Variants in GLDN observed in about 807,000 individuals in gnomAD.
GLDN encodes the protein collomin.
In GLDN, 47 loss-of-function variants were observed where a neutral mutation model predicts 56.5. The observed-to-expected ratio is 0.83, with a 90% confidence interval of 0.66 to 1.06. The LOEUF (loss-of-function observed/expected upper bound fraction) is 1.06, where lower values mean the gene tolerates loss of function less well. GLDN is among the 50% of genes least tolerant of loss of function. The probability of loss-of-function intolerance (pLI) is 0.00; values close to 1 mark genes in which losing one functional copy is unlikely to be tolerated. For missense variants in GLDN, 782 were observed against 714.3 expected (o/e 1.09, Z -1.08); for synonymous variants, 332 against 278.8 (o/e 1.19, Z -1.90).
chr15:51,357,433 C>G (rs1257909637), intron 1 of GLDN, among the ~76,000 whole-genome samples: 1 of 152,190 alleles, frequency 6.6e-6, no homozygotes, highest in Non-Finnish European at 1.5e-5. Flanking sequence ...ACTTGCTATT[C>G]TGTTCTATCT....
chr15:51,386,269 C>T (rs2037890312), intron 4 of GLDN, among the ~76,000 whole-genome samples: 1 of 152,122 alleles, frequency 6.6e-6, no homozygotes, highest in Non-Finnish European at 1.5e-5. Flanking sequence ...TTGTCCCAGG[C>T]CAGGGGAAGT....
intron 1 of GLDN, 173 bp downstream of exon 1, chr15:51,342,220 G>A: frequency 1.3e-6 from 1 of 752,604 alleles, no homozygotes; most frequent in Non-Finnish European, 2.1e-6. Flanking sequence ...ACCCACTGGA[G>A]TCTGTTTTCT....
chr15:51,346,142 G>A (rs2036974536), intron 1 of GLDN, among the ~76,000 whole-genome samples: 1 of 152,046 alleles, frequency 6.6e-6, no homozygotes, highest in Non-Finnish European at 1.5e-5. Context: ...GAAATCTGAT[G>A]TCATCCCAAC....
intron 3 of GLDN, 56 bp downstream of exon 3, chr15:51,383,509 G>A (rs551561557): frequency 1.9e-6 from 3 of 1,596,970 alleles, no homozygotes; most frequent in African/African-American, 2.7e-5. Context: ...CCAGACCCTA[G>A]GATCTCCCTG....
In GLDN at chr15:51,406,572, A is replaced by C. The variant is rs1261873528; in HGVS notation, c.*1818A>C. On this transcript the variant is annotated 3_prime_UTR_variant, in exon 10 of 10. Transcript: ENST00000335449. ...CTGCAATCCCAGCTACTTTGGAGGC[A>C]GGGATGGGAGGATCACTTGAGGCCA... The C allele has an allele frequency of 6.6e-6, 1 of 152,236 alleles. No individual in the cohort carries two copies. The highest frequency in any genetic ancestry group is 1.5e-5 in the Non-Finnish European group (1 of 68,052). The allele number at this position is 152,236 out of a possible 1,614,324, so 9.4% of individuals were successfully genotyped here.
intron 1 of GLDN, among the ~76,000 whole-genome samples, chr15:51,357,247 T>C (rs2037202833): frequency 6.6e-6 from 1 of 152,214 alleles, no homozygotes; most frequent in African/African-American, 2.4e-5. Context: ...TCCACGCATT[T>C]CTCTAATTGA....
At chr15:51,376,579 G>A (rs1225668724) in intron 1 of GLDN, among the ~76,000 whole-genome samples, 1 of 152,146 alleles carries the variant, frequency 6.6e-6, no homozygotes, top group African/African-American at 2.4e-5. Flanking sequence ...AGCTTACTGT[G>A]ACATGTTTAC....
intron 1 of GLDN, among the ~76,000 whole-genome samples, chr15:51,342,724 A>G (rs1039705226): frequency 4.6e-5 from 7 of 152,180 alleles, no homozygotes; most frequent in African/African-American, 7.2e-5. Context: ...GGTTCTTAAC[A>G]TGGGACCTGC....
chr15:51,362,547 A>C (rs2141066236), intron 1 of GLDN, among the ~76,000 whole-genome samples: 1 of 151,292 alleles, frequency 6.6e-6, no homozygotes, highest in African/African-American at 2.4e-5. Flanking sequence ...TGGGTGGGGG[A>C]AGGAGGGACA....
intron 1 of GLDN, among the ~76,000 whole-genome samples, chr15:51,372,695 T>A (rs1349351916): frequency 6.6e-6 from 1 of 152,182 alleles, no homozygotes; most frequent in African/African-American, 2.4e-5. Flanking sequence ...GAGAAACTCT[T>A]CCTTAGAGAC....
chr15:51,411,544 T>C (rs148797428), downstream of GLDN, among the ~76,000 whole-genome samples: 52 of 152,354 alleles, frequency 3.4e-4, no homozygotes, highest in African/African-American at 1.1e-3. Flanking sequence ...TGATAACAAA[T>C]ATTTTAAGCT....
Position 51,384,010 on chromosome 15 carries a change from C to T in GLDN, c.541+118C>T, listed in dbSNP as rs760864013. 9 of 810,240 alleles carry T rather than the reference C, an allele frequency of 1.1e-5. No homozygotes were observed. In the South Asian group the frequency reaches 1.3e-4, roughly 12 times the overall value. 50.2% of individuals were successfully genotyped at this position (810,240 alleles called of 1,614,324 possible). A position where few individuals can be genotyped will look rare whatever the true frequency, so the allele number is the denominator to read the frequency against. ...TGTTTCATCTCTGCACAGTTTAAGG[C>T]CGGTTTAACTCTTACCTAGAAGCCA... On this transcript the variant is annotated intron_variant, in intron 4 of 9. Transcript: ENST00000335449.
intron 1 of GLDN, among the ~76,000 whole-genome samples, chr15:51,366,132 C>T (rs562292819): frequency 3.3e-5 from 5 of 151,010 alleles, no homozygotes; most frequent in Admixed American, 1.3e-4. Context: ...GGAGATAGAA[C>T]GTCAAGTTGT....
downstream of GLDN, among the ~76,000 whole-genome samples, chr15:51,410,093 C>T (rs2038449989): frequency 6.6e-6 from 1 of 152,204 alleles, no homozygotes; most frequent in Non-Finnish European, 1.5e-5. Flanking sequence ...GCTTTAGAAA[C>T]ATCAAAGTAG....
At chr15:51,360,913 G>T (rs1346229356) in intron 1 of GLDN, among the ~76,000 whole-genome samples, 1 of 152,168 alleles carries the variant, frequency 6.6e-6, no homozygotes, top group Non-Finnish European at 1.5e-5. Flanking sequence ...TCTGTACAAG[G>T]GATGCCACAG....
intron 4 of GLDN, among the ~76,000 whole-genome samples, chr15:51,392,667 A>G (rs2038047922): frequency 7.1e-6 from 1 of 141,540 alleles, no homozygotes; most frequent in Admixed American, 6.7e-5. Context: ...CCACTGTTTT[A>G]GGGAATAATT....
chr15:51,397,523 G>T lies in GLDN; in HGVS notation c.742G>T (p.Gly248Cys). 6.3e-7 allele frequency: 1 copy of T among 1,598,780 alleles called. No homozygotes were observed. Among genetic ancestry groups the T allele is most frequent in the Non-Finnish European group, 8.5e-7 (1 of 1,171,688 alleles). Residue 248 changes from glycine (G) to cysteine (C), a missense_variant, in exon 6 of 10, where the codon GGT becomes TGT. Physicochemically the swap from Gly to Cys is radical, Grantham distance 159. Transcript: ENST00000335449. ...TCCACCTGGGCCCCCAGGCCCTCCA[G>T]GTCCTCCAGGGCCCCCTGGAAGCAG... ...PGPPGPPGPP[G>C]PPGPPGSRRA...
At chr15:51,365,895 A>C (rs906416377) in intron 1 of GLDN, among the ~76,000 whole-genome samples, 1 of 152,214 alleles carries the variant, frequency 6.6e-6, no homozygotes. Context: ...GTTGAAAGCT[A>C]TCCTGTTACA....
intron 5 of GLDN, among the ~76,000 whole-genome samples, chr15:51,395,914 G>A (rs1211652369): frequency 6.6e-6 from 1 of 151,936 alleles, no homozygotes; most frequent in Non-Finnish European, 1.5e-5. Flanking sequence ...GTAGGAGTGA[G>A]AGAGAGAGAG....
Sources: gnomAD v4.1 joint callset for allele counts (sites outside exome capture counted in the v4.1 genomes callset) on GRCh38, gnomAD v4.1.1 for gene constraint, MANE v1.5 for transcripts, NCBI Gene and HGNC (gene_info 2026-07-23, HGNC 2026-07-21) for gene names.